The following UTRN variants were observed in gnomAD, a reference collection of about 807,000 sequenced individuals.
UTRN encodes utrophin, also known as dystrophin-related protein 1.
In UTRN, 283 loss-of-function variants were observed where a neutral mutation model predicts 463.9. The observed-to-expected ratio is 0.61, with a 90% CI of 0.55 to 0.67. UTRN has a LOEUF of 0.67. Ranked by LOEUF, UTRN falls within the 30% of genes least tolerant of loss-of-function variation. The pLI is 0.00. For synonymous variants in UTRN, 1,442 were observed against 1,431.5 expected (o/e 1.01, Z -0.17); for missense variants, 3,922 against 4,084.3 (o/e 0.96, Z 1.08).
At position 144,793,866 on chromosome 6, in the gene UTRN, A is replaced by G. The variant is rs1776980430; in HGVS notation, c.8953A>G (p.Met2985Val). 4 of 1,613,960 alleles carry G rather than the reference A, an allele frequency of 2.5e-6. No individual in the cohort carries two copies. Among genetic ancestry groups the G allele is most frequent in the Non-Finnish European group, 3.4e-6 (4 of 1,179,972 alleles). Residue 2985 changes from methionine to valine, a missense_variant, in exon 63 of 75, where the codon ATG (methionine) becomes GTG (valine). This residue lies in a region of UTRN where 1,309 missense variants were observed against 1,452.6 expected (regional missense o/e 0.90). Transcript: ENST00000367545. The part of the protein sequence containing the change: ...LFKEVAGPTE[M>V]CDQRQLGLLL... ...TAAGGAAGTTGCAGGGCCAACAGAA[A>G]TGTGTGACCAGAGGCAGCTGGGCCT...
Position 144,851,147 on chromosome 6 carries a change from CACTG to C in UTRN, c.*154_*157del, listed in dbSNP as rs1250290308. 1.1e-6 allele frequency: 1 copy of C among 929,056 alleles called. No homozygotes were observed. The highest frequency in any genetic ancestry group is 1.7e-6 in the Non-Finnish European group (1 of 575,000). The allele number at this position is 929,056 out of a possible 1,614,324, so 57.6% of individuals were successfully genotyped here. On this transcript the variant is annotated 3_prime_UTR_variant, in exon 75 of 75. Transcript: ENST00000367545. The stretch of plus-strand genomic sequence containing the variant: ...TGTGTGTTCTACTGAAAGAGTAAAA[CACTG>C]ACTATCCAAAGAGAAATGGATATTT...
chr6:144,489,000 G>T (rs578236925), intron 30 of UTRN, among the ~76,000 whole-genome samples, 166 bp downstream of exon 30: 1 of 151,644 alleles, frequency 6.6e-6, no homozygotes, highest in Non-Finnish European at 1.5e-5. Context: ...TGCTTTCTAT[G>T]TGAGACTCTG....
At chr6:144,660,660 T>C (rs542627379) in intron 51 of UTRN, among the ~76,000 whole-genome samples, 100 of 152,320 alleles carry the variant, frequency 6.6e-4, no homozygotes, top group African/African-American at 2.3e-3. Context: ...TGGGTTCTGT[T>C]CTCCATACCC....
intron 74 of UTRN, among the ~76,000 whole-genome samples, chr6:144,850,722 G>T (rs1782420719): frequency 6.6e-6 from 1 of 152,160 alleles, no homozygotes; most frequent in Non-Finnish European, 1.5e-5. Context: ...TCAGCAGAAA[G>T]AAATGAAGTC....
intron 51 of UTRN, among the ~76,000 whole-genome samples, chr6:144,578,792 T>C (rs544320955): frequency 6.6e-6 from 1 of 152,344 alleles, no homozygotes; most frequent in East Asian, 1.9e-4. Flanking sequence ...CTCACCGTTA[T>C]GAAACTCAGC....
chr6:144,449,524 G>A (rs776622209), intron 17 of UTRN, among the ~76,000 whole-genome samples: 3 of 152,258 alleles, frequency 2.0e-5, no homozygotes, highest in South Asian at 2.1e-4. Context: ...GGAAACGTGC[G>A]ATTTTTAGAT....
intron 53 of UTRN, chr6:144,708,506 C>T: frequency 2.3e-6 from 1 of 439,800 alleles, no homozygotes; most frequent in Non-Finnish European, 4.3e-6. Context: ...ATCTAAGACA[C>T]CAGAGAGGTC....
chr6:144,503,349 CCTAGGTTTTCTT>C (rs1033789388), intron 34 of UTRN, among the ~76,000 whole-genome samples: 1 of 151,972 alleles, frequency 6.6e-6, no homozygotes, highest in Non-Finnish European at 1.5e-5. Flanking sequence ...AATGGTATTG[CCTAGGTTTTCTT>C]CTAGGGTTTT....
chr6:144,783,244 G>A (rs10499237), intron 61 of UTRN, among the ~76,000 whole-genome samples: 19,247 of 151,132 alleles, frequency 0.13, 1,789 homozygotes, highest in Admixed American at 0.33. Context: ...TGCCTCTCAT[G>A]CCCAAAAAGT....
At chr6:144,290,055 A>G (rs1221749725) in intron 1 of UTRN, among the ~76,000 whole-genome samples, 1 of 152,240 alleles carries the variant, frequency 6.6e-6, no homozygotes, top group African/African-American at 2.4e-5. Flanking sequence ...ATATACCTAT[A>G]TCAGTATAGA....
intron 61 of UTRN, among the ~76,000 whole-genome samples, chr6:144,786,318 A>G (rs754965598): frequency 2.0e-5 from 3 of 151,978 alleles, no homozygotes; most frequent in Non-Finnish European, 4.4e-5. Flanking sequence ...ACAGAGTCTC[A>G]CTCTGTCGCC....
At position 144,557,315 on chromosome 6, in the gene UTRN, A is replaced by G; in HGVS notation, c.7289+4A>G. The G allele has an allele frequency of 6.2e-7, 1 of 1,610,896 alleles. No homozygotes were observed. Among genetic ancestry groups the G allele is most frequent in the Non-Finnish European group, 8.5e-7 (1 of 1,178,198 alleles). On this transcript the variant is annotated splice_donor_region_variant and intron_variant, in intron 50 of 74. Coordinates refer to ENST00000367545, the MANE Select transcript of UTRN (RefSeq NM_007124.3). ...CATGGATCAATCTCAAACAAAGGTA[A>G]GTCTAAGGCCCTGGCAGGTAAATGT...
At chr6:144,591,833 TAA>T (rs1391440639) in intron 51 of UTRN, among the ~76,000 whole-genome samples, 1 of 152,194 alleles carries the variant, frequency 6.6e-6, no homozygotes, top group Non-Finnish European at 1.5e-5. Context: ...AAAAATTTTA[TAA>T]AATGAAGAAT....
chr6:144,353,339 C>T (rs1243820835), intron 2 of UTRN, among the ~76,000 whole-genome samples: 1 of 151,972 alleles, frequency 6.6e-6, no homozygotes, highest in African/African-American at 2.4e-5. Flanking sequence ...ACGTCTTGAT[C>T]TCCTGACCTT....
At chr6:144,582,464 G>A (rs150005957) in intron 51 of UTRN, among the ~76,000 whole-genome samples, 35 of 152,212 alleles carry the variant, frequency 2.3e-4, no homozygotes, top group African/African-American at 8.4e-4. Flanking sequence ...TGTCTCAAGT[G>A]TGTGTATATA....
At chr6:144,436,191 T>C (rs1201719826) in intron 10 of UTRN, 53 bp downstream of exon 10, 5 of 1,532,180 alleles carry the variant, frequency 3.3e-6, no homozygotes, top group Non-Finnish European at 4.4e-6. Context: ...ACCTGAGCCT[T>C]AATCAGGGAC....
chr6:144,679,752 G>A (rs1384355808), intron 52 of UTRN, among the ~76,000 whole-genome samples: 1 of 152,108 alleles, frequency 6.6e-6, no homozygotes, highest in Non-Finnish European at 1.5e-5. Flanking sequence ...AATTTTCAAT[G>A]ATTACTTATC....
At chr6:144,396,496 A>G (rs1782429826) in intron 2 of UTRN, among the ~76,000 whole-genome samples, 1 of 152,210 alleles carries the variant, frequency 6.6e-6, no homozygotes, top group Non-Finnish European at 1.5e-5. Context: ...ACTGAATTGT[A>G]TGATTAAAAA....
chr6:144,435,562 G>A (rs1786456860), intron 9 of UTRN, among the ~76,000 whole-genome samples: 1 of 152,154 alleles, frequency 6.6e-6, no homozygotes, highest in Admixed American at 6.5e-5. Context: ...GCTCCTCTAC[G>A]AAACTTTCCT....
Sources: gnomAD v4.1 joint callset for allele counts (sites outside exome capture counted in the v4.1 genomes callset) on GRCh38, gnomAD v4.1.1 for gene constraint, gnomAD v4.1.1 regional missense constraint, MANE v1.5 for transcripts, NCBI Gene and HGNC (gene_info 2026-07-23, HGNC 2026-07-21) for gene names.